The following NEK5 variants were observed in gnomAD, a reference collection of about 807,000 sequenced individuals.
NEK5 encodes NIMA related kinase 5.
In NEK5, 88 loss-of-function variants were observed where a neutral mutation model predicts 109.2. The ratio of observed to expected loss-of-function variants is 0.81; its 90% CI spans 0.68 to 0.96. The LOEUF (loss-of-function observed/expected upper bound fraction) is 0.96. Ranked by LOEUF, NEK5 falls within the 40% of genes least tolerant of loss-of-function variation. NEK5 has a pLI of 0.00. For missense variants in NEK5, 834 were observed against 920.7 expected, an observed-to-expected ratio of 0.91 and a Z score of 1.22; for synonymous variants, 283 against 299.9, an observed-to-expected ratio of 0.94 and a Z score of 0.58.
intron 23 of NEK5, among the ~76,000 whole-genome samples, chr13:52,044,282 T>C (rs1954438630): frequency 6.6e-6 from 1 of 152,216 alleles, no homozygotes; most frequent in East Asian, 1.9e-4. Flanking sequence ...AACTCCCCTT[T>C]ATATTCCATT....
chr13:52,095,809 T>C (rs1392444288), intron 12 of NEK5, among the ~76,000 whole-genome samples: 1 of 152,154 alleles, frequency 6.6e-6, no homozygotes, highest in Middle Eastern at 3.2e-3. Context: ...CACTTGAGCC[T>C]GGGAGGTCGA....
chr13:52,084,760 A>AGTGTGTGTGTGTGTGTGT (rs1487694445), intron 16 of NEK5, among the ~76,000 whole-genome samples: 2 of 36,568 alleles, frequency 5.5e-5, no homozygotes, highest in African/African-American at 1.4e-4. Flanking sequence ...AGAGAGAGAG[A>AGTGTGTGTGTGTGTGTGT]GAGTGTGTGT....
intron 22 of NEK5, among the ~76,000 whole-genome samples, chr13:52,055,741 C>G (rs1322044259): frequency 6.6e-6 from 1 of 151,974 alleles, no homozygotes; most frequent in Non-Finnish European, 1.5e-5. Context: ...TACAGACAAG[C>G]AAATGCTGAG....
chr13:52,048,309 C>A (rs572303041), intron 23 of NEK5, among the ~76,000 whole-genome samples: 1 of 152,112 alleles, frequency 6.6e-6, no homozygotes, highest in Non-Finnish European at 1.5e-5. Flanking sequence ...CAGTGGCTCA[C>A]GCCTATAATC....
intron 20 of NEK5, among the ~76,000 whole-genome samples, chr13:52,066,982 C>A (rs1954701678): frequency 6.6e-6 from 1 of 152,126 alleles, no homozygotes. Context: ...ATAATCCTTT[C>A]TTTTCACGCT....
chr13:52,098,789 A>G (rs1192225849), intron 12 of NEK5, among the ~76,000 whole-genome samples: 2 of 152,244 alleles, frequency 1.3e-5, no homozygotes, highest in African/African-American at 4.8e-5. Flanking sequence ...AAGAGCATAC[A>G]GCATTGTTTC....
At chr13:52,115,436 C>T (rs1360522028) in intron 4 of NEK5, among the ~76,000 whole-genome samples, 1 of 150,914 alleles carries the variant, frequency 6.6e-6, no homozygotes, top group East Asian at 2.0e-4. Context: ...GAAACCCTGT[C>T]CCTACTAAAA....
chr13:52,124,915 G>A (rs943449241), intron 3 of NEK5, among the ~76,000 whole-genome samples: 12 of 152,162 alleles, frequency 7.9e-5, no homozygotes, highest in African/African-American at 1.2e-4. Context: ...CCAGGGCCTC[G>A]ACAAAAGGAC....
At chr13:52,084,816 T>TGTGTGTGTGTGTGTG (rs1955105588) in intron 16 of NEK5, among the ~76,000 whole-genome samples, 3 of 127,424 alleles carry the variant, frequency 2.4e-5, no homozygotes, top group Admixed American at 8.0e-5. Flanking sequence ...TGTGTGTGTG[T>TGTGTGTGTGTGTGTG]TTAGAGCTAG....
intron 19 of NEK5, among the ~76,000 whole-genome samples, chr13:52,072,872 A>G (rs916583877): frequency 2.0e-5 from 3 of 152,256 alleles, no homozygotes; most frequent in Admixed American, 6.5e-5. Context: ...TAAAATGGAA[A>G]AATAAACCAA....
At chr13:52,065,169 A>T (rs908341915) in intron 21 of NEK5, 4 of 438,250 alleles carry the variant, frequency 9.1e-6, no homozygotes, top group African/African-American at 2.0e-5. Flanking sequence ...TCGCAAAAAA[A>T]GTTGTTGAGC....
chr13:52,110,631 G>A (rs1718760156), intron 5 of NEK5, 54 bp from the exon 6 acceptor site: 9 of 1,027,792 alleles, frequency 8.8e-6, no homozygotes, highest in Admixed American at 4.0e-5. Context: ...TCACTGAAAT[G>A]TCTTCATGGT....
intron 14 of NEK5, among the ~76,000 whole-genome samples, 168 bp from the exon 15 acceptor site, chr13:52,087,622 A>C (rs1321710709): frequency 6.6e-6 from 1 of 152,056 alleles, no homozygotes; most frequent in Admixed American, 6.6e-5. Flanking sequence ...TAAAGCATTA[A>C]AAAATATATA....
chr13:52,064,256 C>T (rs1207969074), intron 21 of NEK5, among the ~76,000 whole-genome samples: 1 of 142,044 alleles, frequency 7.0e-6, no homozygotes, highest in African/African-American at 2.6e-5. Context: ...CAGCCAGCCG[C>T]CCCGTCCGGG....
At chr13:52,083,541 AT>A (rs1389796734) in intron 16 of NEK5, among the ~76,000 whole-genome samples, 189 bp from the exon 17 acceptor site, 260 of 142,646 alleles carry the variant, frequency 1.8e-3, no homozygotes, top group African/African-American at 4.5e-3. Context: ...GATATCCACC[AT>A]TTTTTTTTTT....
intron 23 of NEK5, among the ~76,000 whole-genome samples, chr13:52,041,719 ACT>A (rs2140885380): frequency 8.9e-6 from 1 of 112,850 alleles, no homozygotes; most frequent in South Asian, 3.0e-4. Context: ...CAAGAGCGAA[ACT>A]CTGTCTCAAA....
At chr13:52,128,100 T>C (rs1183494243) in intron 1 of NEK5, among the ~76,000 whole-genome samples, 2 of 152,166 alleles carry the variant, frequency 1.3e-5, no homozygotes, top group Non-Finnish European at 2.9e-5. Context: ...AGTCTTCCTA[T>C]ACATTCCTGT....
intron 3 of NEK5, among the ~76,000 whole-genome samples, chr13:52,121,192 T>C: frequency 6.7e-6 from 1 of 150,010 alleles, no homozygotes; most frequent in East Asian, 2.0e-4. Flanking sequence ...AAGGTCTTGC[T>C]CTATCACCCA....
chr13:52,117,716 T>G (rs2138104095), intron 4 of NEK5, among the ~76,000 whole-genome samples: 1 of 152,238 alleles, frequency 6.6e-6, no homozygotes, highest in South Asian at 2.1e-4. Context: ...ATTCATTAAG[T>G]TTACCATGTA....
Sources: gnomAD v4.1 joint callset for allele counts (sites outside exome capture counted in the v4.1 genomes callset) on GRCh38, gnomAD v4.1.1 for gene constraint, MANE v1.5 for transcripts, NCBI Gene and HGNC (gene_info 2026-07-23, HGNC 2026-07-21) for gene names.